Variants in WFS1 observed in about 807,000 individuals in gnomAD.
The protein encoded by WFS1 is wolframin ER transmembrane glycoprotein.
A neutral mutation model predicts 68.5 loss-of-function variants in WFS1; 90 were observed. The observed-to-expected ratio is 1.31, with a 90% confidence interval of 1.11 to 1.56. WFS1 has a LOEUF of 1.56. WFS1 is among the 40% of genes most tolerant of loss of function. The probability of loss-of-function intolerance (pLI) is 0.00; values close to 1 mark genes in which losing one functional copy is unlikely to be tolerated. For missense variants in WFS1, 1,767 were observed against 1,232.6 expected, an observed-to-expected ratio of 1.43 and a Z score of -6.49; for synonymous variants, 860 against 540.7, an observed-to-expected ratio of 1.59 and a Z score of -8.19.
At chr4:6,273,373 C>T (rs950943851) in intron 1 of WFS1, among the ~76,000 whole-genome samples, 3 of 152,226 alleles carry the variant, frequency 2.0e-5, no homozygotes, top group African/African-American at 7.2e-5. Flanking sequence ...TACACAGTGA[C>T]GGCTTCTAAG....
rs373181494 is a variant in WFS1 at position 6,293,097 on chromosome 4, C to T, written c.712+1100C>T. Among the ~76,000 whole-genome samples, 87 of 152,278 alleles carry T rather than the reference C, an allele frequency of 5.7e-4. 3 individuals are homozygous for T. The South Asian group carries it at 0.016, about 28-fold the overall frequency. The stretch of plus-strand genomic sequence containing the variant: ...AGAGGCTGTGACAGTGTCCTGCCAC[C>T]GAGGTGGCATGGTGCCTGCTGTCCT... On this transcript the variant is annotated intron_variant, in intron 6 of 7. Coordinates refer to ENST00000226760, the MANE Select transcript of WFS1 (RefSeq NM_006005.3).
In WFS1 at chr4:6,277,449, A is replaced by T; in HGVS notation, c.-5-2A>T. 1 of 1,551,954 alleles carries T rather than the reference A, an allele frequency of 6.4e-7. No individual in the cohort carries two copies. Among genetic ancestry groups the T allele is most frequent in the African/African-American group, 1.4e-5 (1 of 73,312 alleles). ...TGTGCCTGACCTTGACTTTTCTTCC[A>T]GGCAGGATGGACTCCAACACTGCTC... On this transcript the variant is annotated splice_acceptor_variant, in intron 1 of 7. Coordinates refer to ENST00000226760, the MANE Select transcript of WFS1 (RefSeq NM_006005.3). LOFTEE classifies it low-confidence loss of function (5UTR_SPLICE).
At position 6,301,637 on chromosome 4, in the gene WFS1, C is replaced by T. The variant is rs761665818; in HGVS notation, c.1842C>T (p.Thr614=). 1 of 1,614,092 alleles carries T rather than the reference C, an allele frequency of 6.2e-7. No homozygotes were observed. The change falls in exon 8 of 8, where the codon ACC becomes ACT. Residue 614 remains threonine (T), a synonymous_variant. Coordinates refer to ENST00000226760, the MANE Select transcript of WFS1 (RefSeq NM_006005.3). ...TGCCCCTGCTGTTGCGCTGGTGGAC[C>T]AAGGCCAGCTTCTCTGTGGTGGGGA... ...CSVPLLLRWW[T]KASFSVVGMV...
At chr4:6,295,760 A>AAGCGGGG (rs111281933) in intron 7 of WFS1, among the ~76,000 whole-genome samples, 14 of 152,280 alleles carry the variant, frequency 9.2e-5, no homozygotes, top group African/African-American at 1.4e-4. Flanking sequence ...GGCAGGAGGA[A>AAGCGGGG]AGCGGGGAGC....
intron 2 of WFS1, among the ~76,000 whole-genome samples, chr4:6,284,026 C>T (rs1364430539): frequency 6.6e-6 from 1 of 151,984 alleles, no homozygotes; most frequent in Admixed American, 6.6e-5. Flanking sequence ...AGGACGAGCC[C>T]ACCACTGCCA....
chr4:6,280,749 C>T (rs1243820899), intron 2 of WFS1, among the ~76,000 whole-genome samples: 1 of 152,176 alleles, frequency 6.6e-6, no homozygotes, highest in Non-Finnish European at 1.5e-5. Context: ...TCCTGGGTAC[C>T]AGCCGAGGCC....
At position 6,289,011 on chromosome 4, in the gene WFS1, G is replaced by T; in HGVS notation, c.340G>T (p.Ala114Ser). Reference protein sequence around the residue: ...TEVGKHYLQLAGDTDEELNSC... With the variant: ...TEVGKHYLQLSGDTDEELNSC... ...GGTGGGGAAGCACTACCTGCAGTTG[G>T]CCGGCGACACGGATGAAGAACTCAA... The change falls in exon 4 of 8, where the codon GCC becomes TCC. Residue 114 changes from alanine to serine, a missense_variant. By Grantham distance (99) the Ala-to-Ser change is moderately conservative (BLOSUM62 1). Coordinates refer to ENST00000226760, the MANE Select transcript of WFS1 (RefSeq NM_006005.3). The T allele has an allele frequency of 6.2e-7, 1 of 1,608,664 alleles. No homozygotes were observed.
chr4:6,300,078 G>T (rs948764346), intron 7 of WFS1, among the ~76,000 whole-genome samples: 3 of 152,066 alleles, frequency 2.0e-5, no homozygotes, highest in African/African-American at 7.3e-5. Flanking sequence ...CGGTATTTTT[G>T]CTGGGAGAGT....
chr4:6,301,931 C>A lies in WFS1; in HGVS notation c.2136C>A (p.Ile712=), dbSNP rs753784863. 11 of 1,612,790 alleles carry A rather than the reference C, an allele frequency of 6.8e-6. No homozygotes were observed. The highest frequency in any genetic ancestry group is 1.7e-5 in the Admixed American group (1 of 59,990). ...GRFKYVRVTD[I]DNSAESAINM... ...TCAAGTACGTCCGCGTGACTGACAT[C>A]GACAACAGCGCCGAGTCTGCCATCA... Residue 712 remains isoleucine (I), a synonymous_variant, in exon 8 of 8, where the codon ATC becomes ATA. Coordinates refer to ENST00000226760, the MANE Select transcript of WFS1 (RefSeq NM_006005.3).
At chr4:6,279,803 C>A (rs911803722) in intron 2 of WFS1, among the ~76,000 whole-genome samples, 8 of 152,244 alleles carry the variant, frequency 5.3e-5, no homozygotes, top group African/African-American at 1.9e-4. Flanking sequence ...GGAGCCCCAT[C>A]TGAGCTGCTC....
intron 7 of WFS1, among the ~76,000 whole-genome samples, chr4:6,296,463 G>A (rs1028227315): frequency 4.6e-5 from 7 of 152,242 alleles, no homozygotes; most frequent in South Asian, 2.1e-4. Flanking sequence ...GGGCCAGGAT[G>A]GCCAAGAACT....
chr4:6,285,679 G>C (rs1276539698), intron 2 of WFS1, among the ~76,000 whole-genome samples: 1 of 152,196 alleles, frequency 6.6e-6, no homozygotes, highest in African/African-American at 2.4e-5. Flanking sequence ...TCCCACTGGA[G>C]TCCTGTCTCC....
Position 6,300,848 on chromosome 4 carries a change from C to T in WFS1, c.1053C>T (p.Tyr351=), listed in dbSNP as rs1487583313. Reference sequence around the variant, plus strand: ...TCTTCATCCCGCTGGTCATCTTCTACCTGTCCTTCATCTCCATGGTGATCT... The same window carrying T: ...TCTTCATCCCGCTGGTCATCTTCTATCTGTCCTTCATCTCCATGGTGATCT... ...FAFFIPLVIF[Y]LSFISMVICT... is the part of the protein sequence containing the mutation. The change falls in exon 8 of 8, where the codon TAC becomes TAT. Residue 351 remains tyrosine (Y), a synonymous_variant. Coordinates refer to ENST00000226760, the MANE Select transcript of WFS1 (RefSeq NM_006005.3). The T allele has an allele frequency of 6.2e-7, 1 of 1,614,148 alleles. No homozygotes were observed. Among genetic ancestry groups the T allele is most frequent in the African/African-American group, 1.3e-5 (1 of 75,036 alleles).
At chr4:6,300,196 A>G (rs1354457555) in intron 7 of WFS1, among the ~76,000 whole-genome samples, 1 of 152,030 alleles carries the variant, frequency 6.6e-6, no homozygotes, top group Non-Finnish European at 1.5e-5. Flanking sequence ...AAGGATCGCC[A>G]TTTCCCTTCA....
intron 3 of WFS1, chr4:6,288,566 T>C (rs187432381): frequency 5.1e-5 from 14 of 274,096 alleles, no homozygotes; most frequent in African/African-American, 2.6e-4. Flanking sequence ...AAACAGGCAG[T>C]GGGCCAGTGC....
In WFS1 at chr4:6,301,663, T is replaced by G; in HGVS notation, c.1868T>G (p.Met623Arg). The G allele has an allele frequency of 6.2e-7, 1 of 1,614,032 alleles. No individual in the cohort carries two copies. Among genetic ancestry groups the G allele is most frequent in the Non-Finnish European group, 8.5e-7 (1 of 1,179,990 alleles). Residue 623 changes from methionine (M) to arginine (R), a missense_variant, in exon 8 of 8, where the codon ATG becomes AGG. Coordinates refer to ENST00000226760, the MANE Select transcript of WFS1 (RefSeq NM_006005.3). ...AAGGCCAGCTTCTCTGTGGTGGGGA[T>G]GGTGAAGTCCCTGACGCGGAGCTCC... ...WTKASFSVVG[M>R]VKSLTRSSMV...
chr4:6,294,777 A>C, intron 6 of WFS1: 1 of 501,616 alleles, frequency 2.0e-6, no homozygotes, highest in South Asian at 2.0e-5. Context: ...CTAGGCAGAG[A>C]GGGACACTTG....
intron 1 of WFS1, among the ~76,000 whole-genome samples, chr4:6,270,246 G>A (rs945989214): frequency 4.0e-5 from 6 of 151,660 alleles, no homozygotes; most frequent in Admixed American, 2.0e-4. Flanking sequence ...CACCCGGGGG[G>A]CGCGCCCCGG....
In WFS1 at chr4:6,301,520, C is replaced by G. The variant is rs2230719; in HGVS notation, c.1725C>G (p.Ala575=). 11 of 1,613,724 alleles carry G rather than the reference C, an allele frequency of 6.8e-6. No individual in the cohort carries two copies. In the African/African-American group the frequency reaches 1.3e-4, roughly 20 times the overall value. The stretch of plus-strand genomic sequence containing the variant: ...TCTTTGCCCTCCCCATCCTGGTGGC[C>G]GGCCTGGCCCTGGTGGGCGTGCTGC... ...LFLFALPILV[A]GLALVGVLQF... Residue 575 remains alanine, a synonymous_variant, in exon 8 of 8, where the codon GCC becomes GCG. Transcript: ENST00000226760.
Sources: gnomAD v4.1 joint callset for allele counts (sites outside exome capture counted in the v4.1 genomes callset) on GRCh38, gnomAD v4.1.1 for gene constraint, MANE v1.5 for transcripts, NCBI Gene and HGNC (gene_info 2026-07-23, HGNC 2026-07-21) for gene names.